The following NRG1 variants were observed in gnomAD, a reference collection of about 807,000 sequenced individuals.
The protein encoded by NRG1 is neuregulin 1.
NRG1 carries 18 observed loss-of-function variants against 63.8 expected under a neutral mutation model. That is an observed-to-expected ratio of 0.28 (90% CI 0.19 to 0.42). The LOEUF is 0.42. Ranked by LOEUF, NRG1 falls within the 10% of genes least tolerant of loss-of-function variation. The pLI is 1.00. For missense variants in NRG1, 762 were observed against 814.7 expected (o/e 0.94, Z 0.79); for synonymous variants, 302 against 301.3 (o/e 1.00, Z -0.02).
In NRG1 at chr8:31,829,482, C is replaced by G. The variant is rs1703958826; in HGVS notation, c.37+190051C>G. 2.6e-5 allele frequency among the ~76,000 whole-genome samples: 4 copies of G among 152,180 alleles called. No individual in the cohort carries two copies. In the South Asian group the frequency reaches 8.3e-4, roughly 32 times the overall value. ...GGAATGGCAGATGGACAGACCATATCTATAATATACTTGGGTAAAATTTTG... is the reference window on the plus strand; with the variant it reads ...GGAATGGCAGATGGACAGACCATATGTATAATATACTTGGGTAAAATTTTG... On this transcript the variant is annotated intron_variant, in intron 1 of 10. Coordinates refer to the NRG1 transcript ENST00000519301.
intron 1 of NRG1, among the ~76,000 whole-genome samples, chr8:32,074,180 AT>A (rs1826162930): frequency 6.6e-6 from 1 of 152,156 alleles, no homozygotes; most frequent in Non-Finnish European, 1.5e-5. Flanking sequence ...GCTTCTGGGG[AT>A]ATCAATATTG....
At position 32,647,182 on chromosome 8, in the gene NRG1, C is replaced by T. The variant is rs1035500631; in HGVS notation, c.502+30297C>T. On this transcript the variant is annotated intron_variant, in intron 5 of 11. Coordinates refer to ENST00000356819, the Ensembl canonical transcript of NRG1. Reference sequence around the variant, plus strand: ...TAATGATTCAGCCCCTTTCAGCCGTCGTCGCGTTAACACAACAGGATGCTG... The same window carrying T: ...TAATGATTCAGCCCCTTTCAGCCGTTGTCGCGTTAACACAACAGGATGCTG... 11 of 985,266 alleles carry T rather than the reference C, an allele frequency of 1.1e-5. No homozygotes were observed. In the African/African-American group the frequency reaches 1.6e-4, roughly 14 times the overall value. The allele number at this position is 985,266 out of a possible 1,614,324, so 61.0% of individuals were successfully genotyped here. A position where few individuals can be genotyped will look rare whatever the true frequency, so the allele number is the denominator to read the frequency against.
rs556260968 is a variant in NRG1 at position 32,552,381 on chromosome 8, T to A, written c.100+3555T>A. Among the ~76,000 whole-genome samples the A allele has an allele frequency of 2.3e-4, 35 of 152,224 alleles. 1 individual carries two copies. The highest frequency in any genetic ancestry group is 7.5e-4 in the African/African-American group (31 of 41,550). ...AAATTCACTATCATGCCTAGCCAGA[T>A]TCTAGAACTATCCTGTCTCCCTTCA... On this transcript the variant is annotated intron_variant, in intron 1 of 11. Coordinates refer to ENST00000356819, the Ensembl canonical transcript of NRG1.
chr8:31,648,997 C>T (rs1207219244), intron 1 of NRG1, among the ~76,000 whole-genome samples: 1 of 148,104 alleles, frequency 6.8e-6, no homozygotes, highest in Non-Finnish European at 1.5e-5. Context: ...CTCACTGTGT[C>T]GCCCAGGCTG....
At chr8:32,709,572 G>A (rs1046074688) in intron 5 of NRG1, among the ~76,000 whole-genome samples, 5 of 151,854 alleles carry the variant, frequency 3.3e-5, no homozygotes, top group Middle Eastern at 3.4e-3. Context: ...CACCATGCCC[G>A]GCTAATTTTT....
At chr8:32,067,483 G>A (rs1825043653) in intron 1 of NRG1, among the ~76,000 whole-genome samples, 1 of 152,098 alleles carries the variant, frequency 6.6e-6, no homozygotes, top group Admixed American at 6.6e-5. Context: ...TTATATGCTG[G>A]ATTACATTTA....
chr8:32,319,192 G>C (rs1586803472), intron 1 of NRG1, among the ~76,000 whole-genome samples: 1 of 152,124 alleles, frequency 6.6e-6, no homozygotes, highest in East Asian at 1.9e-4. Context: ...ACATTCCCTA[G>C]TACATTTAAA....
intron 1 of NRG1, among the ~76,000 whole-genome samples, chr8:31,807,855 TAA>T (rs1420597340): frequency 6.6e-6 from 1 of 152,172 alleles, no homozygotes; most frequent in Non-Finnish European, 1.5e-5. Flanking sequence ...TTTCTGTGAC[TAA>T]CTTATTTCAC....
At chr8:32,478,793 A>C (rs1358061185) in intron 1 of NRG1, among the ~76,000 whole-genome samples, 1 of 152,216 alleles carries the variant, frequency 6.6e-6, no homozygotes, top group Non-Finnish European at 1.5e-5. Context: ...GTTCAGGTTA[A>C]AAAAGGAAAT....
intron 1 of NRG1, among the ~76,000 whole-genome samples, chr8:32,117,165 A>G (rs893877659): frequency 1.3e-5 from 2 of 151,862 alleles, no homozygotes; most frequent in African/African-American, 4.8e-5. Flanking sequence ...ACAAAAAAAT[A>G]TGAAACCCTA....
At chr8:32,286,809 C>T (rs1192995106) in intron 1 of NRG1, among the ~76,000 whole-genome samples, 12 of 152,118 alleles carry the variant, frequency 7.9e-5, no homozygotes. Context: ...CCAGCTTGGC[C>T]AACCTGGTGA....
chr8:32,562,432 A>G (rs1238015561), intron 1 of NRG1, among the ~76,000 whole-genome samples: 1 of 151,794 alleles, frequency 6.6e-6, no homozygotes, highest in Admixed American at 6.6e-5. Context: ...TTAATTTTGT[A>G]GAGATGGGGT....
chr8:32,130,406 T>A (rs774512478), intron 1 of NRG1, among the ~76,000 whole-genome samples: 27 of 151,992 alleles, frequency 1.8e-4, no homozygotes, highest in Non-Finnish European at 3.5e-4. Flanking sequence ...GATAGAGATT[T>A]ATTTTTATTA....
intron 5 of NRG1, among the ~76,000 whole-genome samples, chr8:32,692,528 T>A (rs1812028661): frequency 6.6e-6 from 1 of 152,124 alleles, no homozygotes; most frequent in Admixed American, 6.5e-5. Flanking sequence ...CCTGGAAAAA[T>A]TAGACCCTAC....
intron 1 of NRG1, among the ~76,000 whole-genome samples, chr8:32,027,190 G>A (rs184145478): frequency 1.8e-3 from 277 of 152,070 alleles, no homozygotes; most frequent in African/African-American, 6.5e-3. Flanking sequence ...TTGTGAGTAG[G>A]GTAGTTTCAA....
intron 1 of NRG1, among the ~76,000 whole-genome samples, chr8:32,032,360 T>G (rs1395469511): frequency 6.6e-6 from 1 of 152,178 alleles, no homozygotes; most frequent in Non-Finnish European, 1.5e-5. Context: ...ACCTTCCAGC[T>G]TCAAGCAATT....
At position 32,442,859 on chromosome 8, in the gene NRG1, A is replaced by G. The variant is rs1587682223; in HGVS notation, c.38-152969A>G. The G allele has an allele frequency of 2.0e-5, 3 of 152,138 alleles. No homozygotes were observed. The East Asian group carries it at 5.8e-4, about 29-fold the overall frequency. 9.4% of individuals were successfully genotyped at this position (152,138 alleles called of 1,614,324 possible). A position where few individuals can be genotyped will look rare whatever the true frequency, so the allele number is the denominator to read the frequency against. On this transcript the variant is annotated intron_variant, in intron 1 of 10. Coordinates refer to the NRG1 transcript ENST00000519301. ...AACTTGGGAAAAAGTGAGTCTTTGT[A>G]TTCTGTGAAGTTTAATAACTACCCA...
intron 1 of NRG1, among the ~76,000 whole-genome samples, chr8:32,214,378 A>T (rs1845005595): frequency 6.6e-6 from 1 of 152,226 alleles, no homozygotes; most frequent in African/African-American, 2.4e-5. Flanking sequence ...TTTAAAAGAT[A>T]TTATATAGCC....
At chr8:32,150,948 A>G (rs1237893429) in intron 1 of NRG1, among the ~76,000 whole-genome samples, 1 of 152,196 alleles carries the variant, frequency 6.6e-6, no homozygotes, top group Non-Finnish European at 1.5e-5. Context: ...ATTTGCATCA[A>G]CAAAGAAGGT....
Sources: gnomAD v4.1 joint callset for allele counts (sites outside exome capture counted in the v4.1 genomes callset) on GRCh38, gnomAD v4.1.1 for gene constraint, MANE v1.5 for transcripts, NCBI Gene and HGNC (gene_info 2026-07-23, HGNC 2026-07-21) for gene names.